PCDHGB4: variants seen among roughly 807,000 people sequenced by gnomAD.
PCDHGB4 encodes protocadherin gamma subfamily B, 4, also known as protocadherin gamma-B4.
Under a neutral mutation model 60.5 loss-of-function variants are expected in PCDHGB4, and 38 were observed. That is an observed-to-expected ratio of 0.63 (90% CI 0.48 to 0.82). PCDHGB4 has a LOEUF of 0.82. PCDHGB4 is among the 40% of genes least tolerant of loss of function. PCDHGB4 has a pLI of 0.00. For synonymous variants in PCDHGB4, 456 were observed against 509.7 expected (o/e 0.89, Z 1.42); for missense variants, 1,109 against 1,209.6 (o/e 0.92, Z 1.23).
chr5:141,470,986 G>T (rs1215610104), intron 1 of PCDHGB4, among the ~76,000 whole-genome samples: 1 of 151,540 alleles, frequency 6.6e-6, no homozygotes, highest in Non-Finnish European at 1.5e-5. Flanking sequence ...CAAAGTGCTG[G>T]GACTACAGGC....
At chr5:141,415,749 T>TG in intron 1 of PCDHGB4, 2 of 1,214,000 alleles carry the variant, frequency 1.6e-6, no homozygotes, top group Non-Finnish European at 1.1e-6. Context: ...GGTTTTTTTT[T>TG]TTTTTTTTTT....
chr5:141,394,607 G>A (rs769750411), intron 1 of PCDHGB4: 17 of 1,613,530 alleles, frequency 1.1e-5, no homozygotes, highest in Non-Finnish European at 1.4e-5. Context: ...ACAGAGACTC[G>A]GGCCAGAACG....
chr5:141,426,104 A>T (rs2096915289), intron 1 of PCDHGB4, among the ~76,000 whole-genome samples: 1 of 152,258 alleles, frequency 6.6e-6, no homozygotes, highest in Non-Finnish European at 1.5e-5. Flanking sequence ...GTTCAGTCAC[A>T]GAAGCAAGTC....
At chr5:141,497,677 C>T in intron 2 of PCDHGB4, among the ~76,000 whole-genome samples, 1 of 151,836 alleles carries the variant, frequency 6.6e-6, no homozygotes, top group East Asian at 1.9e-4. Context: ...GTAGCTGGGA[C>T]AGCAGGTGTG....
intron 1 of PCDHGB4, chr5:141,394,289 C>G (rs191844335): frequency 2.5e-6 from 4 of 1,613,954 alleles, no homozygotes; most frequent in Admixed American, 1.7e-5. Context: ...ACTCTGTGAC[C>G]GAGGACACGC....
At chr5:141,430,834 G>T (rs1317415848) in intron 1 of PCDHGB4, 1 of 1,557,712 alleles carries the variant, frequency 6.4e-7, no homozygotes, top group Non-Finnish European at 8.7e-7. Context: ...CTCTGTGGGA[G>T]ACCGGATGCA....
chr5:141,455,795 C>T (rs1251703490), intron 1 of PCDHGB4, among the ~76,000 whole-genome samples: 1 of 151,960 alleles, frequency 6.6e-6, no homozygotes, highest in African/African-American at 2.4e-5. Flanking sequence ...TCCGGAGATG[C>T]TTTAAAAAAT....
At chr5:141,420,108 A>G (rs780657975) in intron 1 of PCDHGB4, 1 of 1,614,030 alleles carries the variant, frequency 6.2e-7, no homozygotes, top group Non-Finnish European at 8.5e-7. Flanking sequence ...ACGTTGCCCT[A>G]TGCCTATAAT....
intron 1 of PCDHGB4, chr5:141,392,542 A>T: frequency 3.1e-6 from 1 of 323,438 alleles, no homozygotes; most frequent in South Asian, 1.2e-4. Flanking sequence ...ATTTAGAAGT[A>T]ATCTGTATCT....
intron 2 of PCDHGB4, among the ~76,000 whole-genome samples, chr5:141,501,306 C>T (rs1016823458): frequency 5.3e-5 from 8 of 151,412 alleles, no homozygotes; most frequent in Non-Finnish European, 8.8e-5. Context: ...CACACACACA[C>T]ACACACACAC....
chr5:141,398,691 T>C, intron 1 of PCDHGB4: 1 of 1,613,876 alleles, frequency 6.2e-7, no homozygotes, highest in Non-Finnish European at 8.5e-7. Flanking sequence ...AACAGGATGG[T>C]AGTAAATACC....
chr5:141,404,075 G>C (rs2154534954), intron 1 of PCDHGB4: 2 of 1,613,660 alleles, frequency 1.2e-6, no homozygotes, highest in East Asian at 2.2e-5. Flanking sequence ...TCATGACCGA[G>C]ACTCCGGGAA....
At chr5:141,478,513 G>A in intron 1 of PCDHGB4, 1 of 1,611,520 alleles carries the variant, frequency 6.2e-7, no homozygotes. Context: ...TCTATAGGCA[G>A]GTGTTGGGTG....
chr5:141,406,532 G>A (rs58503510), intron 1 of PCDHGB4, among the ~76,000 whole-genome samples: 16,962 of 152,088 alleles, frequency 0.11, 1,106 homozygotes, highest in African/African-American at 0.18. Context: ...ATTTTCTGAC[G>A]AAGATTCAAA....
At position 141,476,518 on chromosome 5, in the gene PCDHGB4, T is replaced by C; in HGVS notation, c.2398-18289T>C. 1 of 1,614,214 alleles carries C rather than the reference T, an allele frequency of 6.2e-7. No individual in the cohort carries two copies. Among genetic ancestry groups the C allele is most frequent in the Non-Finnish European group, 8.5e-7 (1 of 1,180,038 alleles). ...AGGACATCAACGACAACAATCCTGC[T>C]TTCCCTACCCAGGAAATGAAATTGG... is the stretch of plus-strand genomic sequence containing the variant. On this transcript the variant is annotated intron_variant, in intron 1 of 3. Transcript: ENST00000519479. This position sits in a 1 kb window ranked among gnomAD's most constrained non-coding sequence, Gnocchi z 7.6.
At position 141,422,706 on chromosome 5, in the gene PCDHGB4, G is replaced by A. The variant is rs758922274; in HGVS notation, c.2397+32425G>A. On this transcript the variant is annotated intron_variant, in intron 1 of 3. Transcript: ENST00000519479. ...ATGCCCTGGTCACTTACTCTCTGAC[G>A]GATGACACTGTCCAGGGGGTGCCTC... The A allele has an allele frequency of 8.1e-6, 13 of 1,602,906 alleles. No homozygotes were observed. In the South Asian group the frequency reaches 1.5e-4, roughly 18 times the overall value.
intron 1 of PCDHGB4, among the ~76,000 whole-genome samples, chr5:141,405,943 CATA>C (rs1017424287): frequency 6.6e-6 from 1 of 152,106 alleles, no homozygotes; most frequent in Non-Finnish European, 1.5e-5. Flanking sequence ...TTCATGTTCT[CATA>C]ATAATTAACC....
intron 1 of PCDHGB4, among the ~76,000 whole-genome samples, chr5:141,482,914 A>G (rs1023561837): frequency 6.6e-6 from 1 of 152,162 alleles, no homozygotes; most frequent in Non-Finnish European, 1.5e-5. Context: ...TCTATTAAAA[A>G]TACAAAAAAT....
chr5:141,510,837 GTCAAGGCCCAGGGTGC>G, intron 3 of PCDHGB4, 94 bp from the exon 4 acceptor site: 1 of 1,586,392 alleles, frequency 6.3e-7, no homozygotes, highest in Non-Finnish European at 8.6e-7. Flanking sequence ...GCTCAGCGTG[GTCAAGGCCCAGGGTGC>G]TGTATAGGCA....
Sources: allele counts gnomAD v4.1 joint callset (sites outside exome capture counted in the v4.1 genomes callset), GRCh38; gene constraint gnomAD v4.1.1; non-coding constraint Gnocchi (gnomAD v3.1); transcripts MANE v1.5; gene names NCBI Gene and HGNC (gene_info 2026-07-23, HGNC 2026-07-21).